The following SLC26A8 variants were observed in gnomAD, a reference collection of about 807,000 sequenced individuals.
SLC26A8 encodes testis anion transporter 1.
SLC26A8 carries 70 observed loss-of-function variants against 105.0 expected under a neutral mutation model. That is an observed-to-expected ratio of 0.67 (90% CI 0.55 to 0.81). The LOEUF is 0.81. SLC26A8 is among the 40% of genes least tolerant of loss of function. The pLI, the probability that SLC26A8 is intolerant of heterozygous loss-of-function variation, is 0.00. For synonymous variants in SLC26A8, 415 were observed against 438.3 expected (o/e 0.95, Z 0.66); for missense variants, 998 against 1,181.8 (o/e 0.84, Z 2.28).
intron 7 of SLC26A8, among the ~76,000 whole-genome samples, chr6:35,987,223 TG>T (rs1184731959): frequency 2.0e-5 from 3 of 152,210 alleles, no homozygotes; most frequent in African/African-American, 4.8e-5. Context: ...GGTTATGCTG[TG>T]GCAATGTACA....
chr6:35,947,883 A>C (rs911440224), intron 19 of SLC26A8, among the ~76,000 whole-genome samples: 7 of 152,356 alleles, frequency 4.6e-5, no homozygotes, highest in African/African-American at 1.7e-4. Flanking sequence ...GTGCACTGTG[A>C]TCATGCCACT....
intron 1 of SLC26A8, among the ~76,000 whole-genome samples, chr6:36,023,664 C>A (rs768801435): frequency 1.3e-5 from 2 of 151,844 alleles, no homozygotes; most frequent in Non-Finnish European, 1.5e-5. Context: ...GGAATATCTT[C>A]CCCCTGATAT....
chr6:35,983,185 G>T (rs1437068207), intron 7 of SLC26A8, among the ~76,000 whole-genome samples: 1 of 152,202 alleles, frequency 6.6e-6, no homozygotes, highest in Non-Finnish European at 1.5e-5. Flanking sequence ...CCCCTAGGAA[G>T]TCTACAGATT....
At chr6:36,024,349 G>A (rs12664506) in intron 1 of SLC26A8, 155 bp downstream of exon 1, 42,503 of 424,578 alleles carry the variant, frequency 0.1, 2,432 homozygotes, top group Middle Eastern at 0.13. Context: ...AAGCTCCCAG[G>A]GACGACCATC....
intron 2 of SLC26A8, among the ~76,000 whole-genome samples, chr6:36,014,692 C>T (rs1346451215): frequency 1.3e-5 from 2 of 151,992 alleles, no homozygotes; most frequent in African/African-American, 2.4e-5. Flanking sequence ...TTGGCCTGGC[C>T]AATATGGCGA....
chr6:36,011,801 G>A (rs1761864878), intron 3 of SLC26A8, among the ~76,000 whole-genome samples: 1 of 152,138 alleles, frequency 6.6e-6, no homozygotes, highest in African/African-American at 2.4e-5. Flanking sequence ...TAGAGACAGA[G>A]TTTCACTGTG....
intron 7 of SLC26A8, among the ~76,000 whole-genome samples, chr6:35,990,609 T>C (rs182578236): frequency 1.1e-3 from 170 of 152,300 alleles, no homozygotes; most frequent in African/African-American, 3.7e-3. Context: ...CTCAATTTCC[T>C]TATTGTAGCA....
intron 17 of SLC26A8, 78 bp from the exon 18 acceptor site, chr6:35,951,577 C>G: frequency 1.3e-6 from 2 of 1,533,646 alleles, no homozygotes; most frequent in Non-Finnish European, 1.8e-6. Context: ...AAGTTTTTGT[C>G]TTGTTTTGTT....
intron 11 of SLC26A8, among the ~76,000 whole-genome samples, chr6:35,965,403 G>A (rs1332550442): frequency 6.6e-6 from 1 of 152,136 alleles, no homozygotes; most frequent in Non-Finnish European, 1.5e-5. Flanking sequence ...ACCTGGCTGG[G>A]CGTGGTGGCT....
intron 7 of SLC26A8, among the ~76,000 whole-genome samples, chr6:35,982,646 C>A (rs1773320791): frequency 6.6e-6 from 1 of 152,160 alleles, no homozygotes; most frequent in Non-Finnish European, 1.5e-5. Flanking sequence ...AGTGGGGAAT[C>A]TCCCCACCAA....
intron 11 of SLC26A8, among the ~76,000 whole-genome samples, chr6:35,965,639 G>A (rs1484275467): frequency 7.1e-5 from 10 of 140,408 alleles, no homozygotes; most frequent in Admixed American, 2.3e-4. Context: ...CCGAGATTGC[G>A]CCATTGCACT....
At chr6:35,998,514 G>A (rs983614020) in intron 4 of SLC26A8, among the ~76,000 whole-genome samples, 12 of 149,462 alleles carry the variant, frequency 8.0e-5, no homozygotes, top group African/African-American at 2.0e-4. Flanking sequence ...GAGATGGCAC[G>A]ATTGCACTCC....
At chr6:35,987,457 C>T (rs1425088740) in intron 7 of SLC26A8, among the ~76,000 whole-genome samples, 1 of 152,044 alleles carries the variant, frequency 6.6e-6, no homozygotes, top group African/African-American at 2.4e-5. Flanking sequence ...CTGCAAGCTC[C>T]GCCTCTCGGG....
In SLC26A8 at chr6:35,955,185, G is replaced by T. The variant is rs765897190; in HGVS notation, c.2199C>A (p.Tyr733Ter). ...ATACGACTAACCCCCGTGAATCCAC[G>T]TAGTGTACCATGGAGAAATCCAGGA... ...TIILDFSMVH[Y>*]VDSRGLVVLR... Residue 733 changes from tyrosine (Y) to a stop codon, truncating the protein, a stop_gained, in exon 17 of 20, where the codon TAC becomes TAA. Transcript: ENST00000490799. LOFTEE classifies it high-confidence loss of function. 1.3e-5 allele frequency: 21 copies of T among 1,614,018 alleles called. No individual in the cohort carries two copies. Among genetic ancestry groups the T allele is most frequent in the Non-Finnish European group, 1.8e-5 (21 of 1,180,042 alleles).
intron 3 of SLC26A8, among the ~76,000 whole-genome samples, chr6:36,007,846 C>T (rs1429813844): frequency 4.6e-5 from 7 of 152,090 alleles, no homozygotes; most frequent in East Asian, 1.9e-4. Context: ...TGAGGCTGGG[C>T]GCGGTGGCTC....
At chr6:35,976,686 G>A (rs932443384) in intron 9 of SLC26A8, among the ~76,000 whole-genome samples, 8 of 151,218 alleles carry the variant, frequency 5.3e-5, no homozygotes, top group East Asian at 2.0e-4. Flanking sequence ...GAGCACAGGC[G>A]CCCGCCACCA....
At chr6:35,982,056 G>A (rs1000824410) in intron 8 of SLC26A8, 65 bp downstream of exon 8, 2 of 1,500,234 alleles carry the variant, frequency 1.3e-6, no homozygotes, top group African/African-American at 2.8e-5. Context: ...ATCAGGCTGT[G>A]TGGTCAGAGG....
In SLC26A8 at chr6:35,962,678, A is replaced by G. The variant is rs1392720678; in HGVS notation, c.1366-57T>C. 30 of 1,537,596 alleles carry G rather than the reference A, an allele frequency of 2.0e-5. No individual in the cohort carries two copies. The East Asian group carries it at 5.2e-4, about 27-fold the overall frequency. On this transcript the variant is annotated intron_variant, in intron 11 of 19. Coordinates refer to ENST00000490799, the MANE Select transcript of SLC26A8 (RefSeq NM_052961.4). ...TCCCTTTGGGGTGTAAAACTCACAA[A>G]TCCCCACCAAGGAATCACAAAAAGT...
At chr6:35,975,565 T>G (rs956269919) in intron 9 of SLC26A8, 77 bp from the exon 10 acceptor site, 3 of 750,766 alleles carry the variant, frequency 4.0e-6, no homozygotes, top group South Asian at 1.8e-5. Flanking sequence ...GCATATGGTT[T>G]TTTTTTTTTA....
Sources: gnomAD v4.1 joint callset for allele counts (sites outside exome capture counted in the v4.1 genomes callset) on GRCh38, gnomAD v4.1.1 for gene constraint, MANE v1.5 for transcripts, NCBI Gene and HGNC (gene_info 2026-07-23, HGNC 2026-07-21) for gene names.